NSUN7: variants seen among roughly 807,000 people sequenced by gnomAD.
NSUN7 encodes the protein protein NSUN7.
NSUN7 carries 39 observed loss-of-function variants against 58.5 expected under a neutral mutation model. The observed-to-expected ratio is 0.67, with a 90% CI of 0.52 to 0.87. NSUN7 has a LOEUF of 0.87. NSUN7 is among the 40% of genes least tolerant of loss of function. The pLI is 0.00. For missense variants in NSUN7, 765 were observed against 844.1 expected, an observed-to-expected ratio of 0.91 and a Z score of 1.16; for synonymous variants, 278 against 303.7, an observed-to-expected ratio of 0.92 and a Z score of 0.88.
At chr4:40,769,593 G>T (rs1311817785) in intron 4 of NSUN7, among the ~76,000 whole-genome samples, 1 of 152,184 alleles carries the variant, frequency 6.6e-6, no homozygotes, top group African/African-American at 2.4e-5. Flanking sequence ...ATTGTATTAA[G>T]TGGCCAGGTG....
At chr4:40,792,485 C>A (rs1743117442) in intron 8 of NSUN7, among the ~76,000 whole-genome samples, 1 of 152,320 alleles carries the variant, frequency 6.6e-6, no homozygotes, top group East Asian at 1.9e-4. Context: ...GGAGCGGTGG[C>A]TCACGCCTGT....
chr4:40,785,983 G>A (rs1742803260), intron 7 of NSUN7: 26 of 1,291,174 alleles, frequency 2.0e-5, no homozygotes, highest in Non-Finnish European at 2.7e-5. Context: ...CCCAGCGGCT[G>A]GGAGAGACGC....
At chr4:40,804,467 C>T (rs537744746) in intron 10 of NSUN7, among the ~76,000 whole-genome samples, 4 of 151,768 alleles carry the variant, frequency 2.6e-5, no homozygotes, top group African/African-American at 4.8e-5. Flanking sequence ...CTAATGGATG[C>T]CTAGTTTTAT....
At chr4:40,769,610 A>G (rs1243926908) in intron 4 of NSUN7, among the ~76,000 whole-genome samples, 1 of 152,228 alleles carries the variant, frequency 6.6e-6, no homozygotes, top group East Asian at 1.9e-4. Context: ...GGTGATTTAC[A>G]TTGACTGGTT....
rs775660234 is a variant in NSUN7 at position 40,798,798 on chromosome 4, C to T, written c.1294C>T (p.Gln432Ter). 6.3e-7 allele frequency: 1 copy of T among 1,596,326 alleles called. No homozygotes were observed. The highest frequency in any genetic ancestry group is 1.1e-5 in the South Asian group (1 of 89,788). The change falls in exon 10 of 12, where the codon CAA (glutamine) becomes TAA (stop). Residue 432 changes from glutamine to a stop codon, truncating the protein, a stop_gained. Coordinates refer to ENST00000381782, the MANE Select transcript of NSUN7 (RefSeq NM_024677.6). LOFTEE classifies it high-confidence loss of function. Reference sequence around the variant, plus strand: ...TTCTTCTAATATAGTTACTAAAGCTCAAGCAGTTGTTTACTGCACATGTTC... The same window carrying T: ...TTCTTCTAATATAGTTACTAAAGCTTAAGCAGTTGTTTACTGCACATGTTC... The part of the protein sequence containing the change: ...LTHAMKFTKA[Q>*]AVVYCTCSVF...
intron 4 of NSUN7, among the ~76,000 whole-genome samples, chr4:40,767,310 G>A (rs188356840): frequency 0.011 from 1,632 of 152,244 alleles, 34 homozygotes; most frequent in African/African-American, 0.036. Context: ...TTCAAAGAAC[G>A]TCTTTATTTC....
intron 4 of NSUN7, among the ~76,000 whole-genome samples, chr4:40,761,952 T>C (rs1741482085): frequency 6.6e-6 from 1 of 152,216 alleles, no homozygotes; most frequent in South Asian, 2.1e-4. Context: ...AATTCATGTA[T>C]TGGAAACTTA....
At chr4:40,760,371 G>A in intron 2 of NSUN7, 63 bp from the exon 3 acceptor site, 1 of 1,213,884 alleles carries the variant, frequency 8.2e-7, no homozygotes, top group Non-Finnish European at 1.2e-6. Context: ...AGTGTATTTT[G>A]ATTCCAGAGT....
At chr4:40,772,517 C>T (rs1467189289) in intron 4 of NSUN7, among the ~76,000 whole-genome samples, 4 of 152,284 alleles carry the variant, frequency 2.6e-5, no homozygotes, top group African/African-American at 9.6e-5. Flanking sequence ...GATCACCCTT[C>T]CCTTTCCTTA....
intron 4 of NSUN7, among the ~76,000 whole-genome samples, chr4:40,773,820 A>T (rs182536875): frequency 6.6e-6 from 1 of 152,286 alleles, no homozygotes; most frequent in East Asian, 1.9e-4. Flanking sequence ...TTCTTTTTTG[A>T]GACAGAGTTT....
At chr4:40,777,124 T>G (rs969092989) in intron 7 of NSUN7, among the ~76,000 whole-genome samples, 5 of 151,874 alleles carry the variant, frequency 3.3e-5, no homozygotes, top group African/African-American at 1.2e-4. Context: ...TCACTTGGAG[T>G]CCCGAAGTAC....
chr4:40,810,679 C>A lies in NSUN7; in HGVS notation c.*1740C>A, dbSNP rs1367950251. On this transcript the variant is annotated 3_prime_UTR_variant, in exon 12 of 12. Coordinates refer to ENST00000381782, the MANE Select transcript of NSUN7 (RefSeq NM_024677.6). ...TATTTTAAATCCCTGAAGAAGAATT[C>A]TTCATGTTATCACTCTTGTACAGAA... The A allele has an allele frequency of 2.0e-5, 3 of 149,718 alleles. No individual in the cohort carries two copies. Among genetic ancestry groups the A allele is most frequent in the African/African-American group, 4.9e-5 (2 of 40,782 alleles). The allele number at this position is 149,718 out of a possible 1,614,324, so 9.3% of individuals were successfully genotyped here. A position where few individuals can be genotyped will look rare whatever the true frequency, so the allele number is the denominator to read the frequency against.
In NSUN7 at chr4:40,807,144, A is replaced by T; in HGVS notation, c.1484A>T (p.Glu495Val). The stretch of plus-strand genomic sequence containing the variant: ...AAATTTTTCAGAATGGAACCATCTG[A>T]AATTACCAATGGTTGTTTTCTTTCT... Reference protein sequence around the residue: ...TDKFFRMEPSEITNGCFLSIL... With the variant: ...TDKFFRMEPSVITNGCFLSIL... Residue 495 changes from glutamate (E) to valine (V), a missense_variant, in exon 11 of 12, where the codon GAA becomes GTA. Glu to Val is a moderately radical substitution (Grantham distance 121). Transcript: ENST00000381782. 2 of 1,550,806 alleles carry T rather than the reference A, an allele frequency of 1.3e-6. No homozygotes were observed. The highest frequency in any genetic ancestry group is 1.7e-6 in the Non-Finnish European group (2 of 1,146,458).
chr4:40,784,323 G>C (rs1000286703), intron 7 of NSUN7, among the ~76,000 whole-genome samples: 2 of 152,190 alleles, frequency 1.3e-5, no homozygotes, highest in Non-Finnish European at 1.5e-5. Flanking sequence ...GCTTGTACAT[G>C]AAAGTTCATA....
At position 40,810,469 on chromosome 4, in the gene NSUN7, TTAG is replaced by T. The variant is rs1361283311; in HGVS notation, c.*1531_*1533del. 6.6e-6 allele frequency: 1 copy of T among 150,806 alleles called. No individual in the cohort carries two copies. The highest frequency in any genetic ancestry group is 1.5e-5 in the Non-Finnish European group (1 of 67,922). 9.3% of individuals were successfully genotyped at this position (150,806 alleles called of 1,614,324 possible). ...GGGACACGCCTGTAGTCCCAGCTAC[TTAG>T]GAGGCTGAGGTACGAGGATCTCTTG... On this transcript the variant is annotated 3_prime_UTR_variant, in exon 12 of 12. Coordinates refer to ENST00000381782, the MANE Select transcript of NSUN7 (RefSeq NM_024677.6).
At chr4:40,764,776 C>A (rs1278960172) in intron 4 of NSUN7, among the ~76,000 whole-genome samples, 1 of 152,072 alleles carries the variant, frequency 6.6e-6, no homozygotes, top group East Asian at 1.9e-4. Flanking sequence ...GCCATTCTAA[C>A]TGGTGTGAGA....
At position 40,790,842 on chromosome 4, in the gene NSUN7, TAATA is replaced by T. The variant is rs1261425109; in HGVS notation, c.1180+103_1180+106del. 3 of 911,572 alleles carry T rather than the reference TAATA, an allele frequency of 3.3e-6. No individual in the cohort carries two copies. In the East Asian group the frequency reaches 8.4e-5, roughly 26 times the overall value. 56.5% of individuals were successfully genotyped at this position (911,572 alleles called of 1,614,324 possible). ...AAATAGCATATCAAATACATCTGAT[TAATA>T]AATAATAGCAACCACATATAAAGTA... is the stretch of plus-strand genomic sequence containing the variant. On this transcript the variant is annotated intron_variant, in intron 8 of 11. Transcript: ENST00000381782.
Position 40,809,497 on chromosome 4 carries a change from T to C in NSUN7, c.*558T>C, listed in dbSNP as rs960576782. 5.3e-5 allele frequency: 8 copies of C among 152,170 alleles called. No individual in the cohort carries two copies. The highest frequency in any genetic ancestry group is 2.0e-4 in the Admixed American group (3 of 15,270). The allele number at this position is 152,170 out of a possible 1,614,324, so 9.4% of individuals were successfully genotyped here. A position where few individuals can be genotyped will look rare whatever the true frequency, so the allele number is the denominator to read the frequency against. ...GAGTTTAAGTAGGAAGCGCAGGAAG[T>C]TCCCAAGTGCCAGGTGTGTGTAGCT... On this transcript the variant is annotated 3_prime_UTR_variant, in exon 12 of 12. Transcript: ENST00000381782.
At chr4:40,799,992 A>G (rs534291151) in intron 10 of NSUN7, among the ~76,000 whole-genome samples, 229 of 152,300 alleles carry the variant, frequency 1.5e-3, no homozygotes, top group African/African-American at 5.3e-3. Context: ...GCATCCTCTT[A>G]TATATAATTG....
Sources: gnomAD v4.1 joint callset for allele counts (sites outside exome capture counted in the v4.1 genomes callset) on GRCh38, gnomAD v4.1.1 for gene constraint, MANE v1.5 for transcripts, NCBI Gene and HGNC (gene_info 2026-07-23, HGNC 2026-07-21) for gene names.